Variants in LRRTM4 observed in about 807,000 individuals in gnomAD.
LRRTM4 encodes leucine-rich repeat transmembrane neuronal protein 4.
A neutral mutation model predicts 47.6 loss-of-function variants in LRRTM4; 25 were observed. The ratio of observed to expected loss-of-function variants is 0.53; its 90% confidence interval spans 0.38 to 0.73. The LOEUF (loss-of-function observed/expected upper bound fraction) is 0.73. Ranked by LOEUF, LRRTM4 falls within the 30% of genes least tolerant of loss-of-function variation. The probability of loss-of-function intolerance (pLI) is 0.00; values close to 1 mark genes in which losing one functional copy is unlikely to be tolerated. For missense variants in LRRTM4, 638 were observed against 713.4 expected, an observed-to-expected ratio of 0.89 and a Z score of 1.20; for synonymous variants, 311 against 269.5, an observed-to-expected ratio of 1.15 and a Z score of -1.51.
chr2:77,440,405 C>T (rs982008419), intron 3 of LRRTM4, among the ~76,000 whole-genome samples: 3 of 151,916 alleles, frequency 2.0e-5, no homozygotes, highest in African/African-American at 7.3e-5. Context: ...CAGAGTGAGA[C>T]TCCGCCTCAA....
intron 3 of LRRTM4, among the ~76,000 whole-genome samples, chr2:76,875,097 AG>A (rs772314195): frequency 1.3e-3 from 200 of 152,232 alleles, no homozygotes; most frequent in South Asian, 2.9e-3. Flanking sequence ...AGAAAATGAA[AG>A]CTTCTGCATG....
intron 3 of LRRTM4, among the ~76,000 whole-genome samples, chr2:76,906,571 G>C (rs1040478967): frequency 6.6e-5 from 10 of 152,290 alleles, no homozygotes; most frequent in East Asian, 5.8e-4. Flanking sequence ...AAAGAGTCAA[G>C]ACCCATCAGT....
At chr2:77,330,681 T>C (rs1459612138) in intron 3 of LRRTM4, among the ~76,000 whole-genome samples, 3 of 152,190 alleles carry the variant, frequency 2.0e-5, no homozygotes, top group Admixed American at 2.0e-4. Flanking sequence ...ATATGACAAA[T>C]TTAATCATTG....
chr2:77,014,360 C>A (rs890732577), intron 3 of LRRTM4, among the ~76,000 whole-genome samples: 2 of 151,950 alleles, frequency 1.3e-5, no homozygotes, highest in Admixed American at 1.3e-4. Flanking sequence ...AGAATAGCTA[C>A]TCACTGAAAT....
chr2:77,109,849 T>A (rs1459248530), intron 3 of LRRTM4, among the ~76,000 whole-genome samples: 2 of 151,560 alleles, frequency 1.3e-5, no homozygotes, highest in East Asian at 3.9e-4. Flanking sequence ...CATTTAGAAC[T>A]GAAAAATATA....
intron 3 of LRRTM4, among the ~76,000 whole-genome samples, chr2:77,162,755 G>C (rs1672766470): frequency 6.6e-6 from 1 of 152,122 alleles, no homozygotes; most frequent in African/African-American, 2.4e-5. Context: ...CTGCAGGTGA[G>C]GGTCCTGACT....
intron 3 of LRRTM4, among the ~76,000 whole-genome samples, chr2:77,464,887 G>A (rs1558755883): frequency 6.6e-6 from 1 of 152,148 alleles, no homozygotes; most frequent in African/African-American, 2.4e-5. Flanking sequence ...TGTGTGTTAT[G>A]TAAACTAATG....
intron 3 of LRRTM4, among the ~76,000 whole-genome samples, chr2:77,191,037 G>C (rs1378406184): frequency 6.6e-6 from 1 of 152,078 alleles, no homozygotes; most frequent in East Asian, 1.9e-4. Context: ...TAATACGTTT[G>C]ACTTAATATA....
At chr2:77,378,261 T>C (rs1672912800) in intron 3 of LRRTM4, among the ~76,000 whole-genome samples, 1 of 152,096 alleles carries the variant, frequency 6.6e-6, no homozygotes, top group African/African-American at 2.4e-5. Context: ...CAAATCATTC[T>C]CCACTTTATT....
At position 77,139,783 on chromosome 2, in the gene LRRTM4, A is replaced by G. The variant is rs191447288; in HGVS notation, c.1551+378535T>C. On this transcript the variant is annotated intron_variant, in intron 3 of 3. Coordinates refer to ENST00000409884, the MANE Select transcript of LRRTM4 (RefSeq NM_001134745.3). The stretch of plus-strand genomic sequence containing the variant: ...TAAGCAACTTCAGCAAAGTCTCAGG[A>G]TACAAAATCAATGTGCAAAAATCAC... Among the ~76,000 whole-genome samples, 3 of 152,298 alleles carry G rather than the reference A, an allele frequency of 2.0e-5. No homozygotes were observed. In the East Asian group the frequency reaches 5.8e-4, roughly 29 times the overall value.
chr2:77,140,154 C>A (rs1672078543), intron 3 of LRRTM4, among the ~76,000 whole-genome samples: 2 of 152,086 alleles, frequency 1.3e-5, no homozygotes, highest in African/African-American at 4.8e-5. Flanking sequence ...CAAAAAAGGG[C>A]CCTCATTGCC....
At chr2:76,901,664 T>C (rs547678500) in intron 3 of LRRTM4, among the ~76,000 whole-genome samples, 2 of 152,330 alleles carry the variant, frequency 1.3e-5, no homozygotes, top group South Asian at 2.1e-4. Flanking sequence ...GAATGACATG[T>C]TACTGTCTGT....
intron 3 of LRRTM4, among the ~76,000 whole-genome samples, chr2:77,101,296 A>G (rs1558580561): frequency 6.6e-6 from 1 of 152,176 alleles, no homozygotes; most frequent in Admixed American, 6.5e-5. Flanking sequence ...ACATGCATAT[A>G]TATCTCCTTA....
chr2:77,211,064 G>C (rs1169343387), intron 3 of LRRTM4, among the ~76,000 whole-genome samples: 1 of 152,006 alleles, frequency 6.6e-6, no homozygotes, highest in African/African-American at 2.4e-5. Context: ...CAGGAAAACA[G>C]AACCCAGGTA....
At chr2:77,097,479 A>G (rs1399085289) in intron 3 of LRRTM4, among the ~76,000 whole-genome samples, 1 of 152,110 alleles carries the variant, frequency 6.6e-6, no homozygotes, top group East Asian at 1.9e-4. Flanking sequence ...ATGTTTAACA[A>G]ATTTCAAGAT....
intron 3 of LRRTM4, among the ~76,000 whole-genome samples, chr2:77,087,751 G>A (rs1205312301): frequency 6.6e-6 from 1 of 152,018 alleles, no homozygotes; most frequent in Non-Finnish European, 1.5e-5. Context: ...AAGGTACATA[G>A]CATTATCAAA....
At chr2:76,899,918 T>C (rs1171036631) in intron 3 of LRRTM4, among the ~76,000 whole-genome samples, 3 of 152,106 alleles carry the variant, frequency 2.0e-5, no homozygotes, top group East Asian at 3.9e-4. Flanking sequence ...TCTTGAATAT[T>C]GTTTAATAAC....
At chr2:76,820,294 ACTTT>A (rs777032526) in intron 3 of LRRTM4, among the ~76,000 whole-genome samples, 3 of 151,814 alleles carry the variant, frequency 2.0e-5, no homozygotes, top group Non-Finnish European at 4.4e-5. Context: ...CTTGGGACTT[ACTTT>A]CTTCTCATTT....
At position 77,342,231 on chromosome 2, in the gene LRRTM4, T is replaced by C. The variant is rs1326399489; in HGVS notation, c.1551+176087A>G. ...ACGTAGAACAAATGTTAGAAGTCAA[T>C]AGTATACGTCAGTGGTTTTCAACCA... On this transcript the variant is annotated intron_variant, in intron 3 of 3. Coordinates refer to ENST00000409884, the MANE Select transcript of LRRTM4 (RefSeq NM_001134745.3). 5.3e-5 allele frequency among the ~76,000 whole-genome samples: 8 copies of C among 151,970 alleles called. No homozygotes were observed. In the South Asian group the frequency reaches 1.7e-3, roughly 31 times the overall value.
Sources: gnomAD v4.1 joint callset for allele counts (sites outside exome capture counted in the v4.1 genomes callset) on GRCh38, gnomAD v4.1.1 for gene constraint, MANE v1.5 for transcripts, NCBI Gene and HGNC (gene_info 2026-07-23, HGNC 2026-07-21) for gene names.